GBF1: variants seen among roughly 807,000 people sequenced by gnomAD.
GBF1 encodes the protein Golgi-specific brefeldin A-resistance guanine nucleotide exchange factor 1.
A neutral mutation model predicts 210.5 loss-of-function variants in GBF1; 114 were observed. That is an observed-to-expected ratio of 0.54 (90% CI 0.47 to 0.63). GBF1 has a LOEUF of 0.63. GBF1 is among the 30% of genes least tolerant of loss of function. The pLI, the probability that GBF1 is intolerant of heterozygous loss-of-function variation, is 0.00. For missense variants in GBF1, 1,851 were observed against 2,357.7 expected (o/e 0.79, Z 4.45); for synonymous variants, 850 against 889.2 (o/e 0.96, Z 0.78).
chr10:102,365,323 A>G (rs755146958), intron 17 of GBF1, 74 bp from the exon 18 acceptor site: 7 of 1,101,248 alleles, frequency 6.4e-6, no homozygotes, highest in East Asian at 4.9e-5. Context: ...TGGGTGGGCT[A>G]TGGTGGACTC....
At chr10:102,269,502 G>C (rs1432806862) in intron 3 of GBF1, among the ~76,000 whole-genome samples, 1 of 152,086 alleles carries the variant, frequency 6.6e-6, no homozygotes, top group Non-Finnish European at 1.5e-5. Context: ...GGGAAGAAAA[G>C]GATCAAAAGC....
the GBF1 span, among the ~76,000 whole-genome samples, chr10:102,239,656 A>G: frequency 6.6e-6 from 1 of 152,236 alleles, no homozygotes; most frequent in Admixed American, 6.5e-5. Context: ...GGTTGAAACC[A>G]CTGTTTAGAT....
At chr10:102,243,172 C>G (rs1377172401), upstream of GBF1, among the ~76,000 whole-genome samples, 1 of 152,178 alleles carries the variant, frequency 6.6e-6, no homozygotes, top group African/African-American at 2.4e-5. Context: ...TCAATTCCTA[C>G]TCCTCCAATG....
At chr10:102,301,750 G>A (rs903784642) in intron 3 of GBF1, among the ~76,000 whole-genome samples, 15 of 140,920 alleles carry the variant, frequency 1.1e-4, no homozygotes, top group Admixed American at 4.2e-4. Flanking sequence ...ACGGGATGGC[G>A]GCCGGGAAGA....
chr10:102,264,338 A>ATG (rs2073613377), intron 3 of GBF1, among the ~76,000 whole-genome samples: 1 of 152,150 alleles, frequency 6.6e-6, no homozygotes, highest in Non-Finnish European at 1.5e-5. Flanking sequence ...TTGTCCTTTT[A>ATG]TGTCTCTCTC....
upstream of GBF1, among the ~76,000 whole-genome samples, chr10:102,244,232 C>G (rs1238916990): frequency 6.6e-6 from 1 of 152,168 alleles, no homozygotes; most frequent in African/African-American, 2.4e-5. Context: ...GACTACTTTC[C>G]TATGTGGTTA....
chr10:102,365,341 G>A, intron 17 of GBF1, 56 bp from the exon 18 acceptor site: 1 of 1,387,236 alleles, frequency 7.2e-7, no homozygotes, highest in Admixed American at 1.8e-5. Context: ...CTCCAGGCTG[G>A]CCTTGTCTAA....
rs564703668 is a variant in GBF1 at position 102,287,206 on chromosome 10, G to A, written c.163+27090G>A. 3.3e-5 allele frequency among the ~76,000 whole-genome samples: 5 copies of A among 151,696 alleles called. No individual in the cohort carries two copies. The South Asian group carries it at 6.3e-4, about 19-fold the overall frequency. On this transcript the variant is annotated intron_variant, in intron 3 of 39. Transcript: ENST00000369983. The stretch of plus-strand genomic sequence containing the variant: ...TTTGATGTTATGTTATTATGTTATC[G>A]ATTGCTGGGTAACAAATTACCCCAA...
In GBF1 at chr10:102,363,650, T is replaced by C; in HGVS notation, c.2018-60T>C. ...GAGTATATTGGTGACCTTCCAAAAGTCCTTATCTGGGTAAAAAAAGGTGTT... is the reference window on the plus strand; with the variant it reads ...GAGTATATTGGTGACCTTCCAAAAGCCCTTATCTGGGTAAAAAAAGGTGTT... On this transcript the variant is annotated intron_variant, in intron 16 of 39. Transcript: ENST00000369983. This position sits in a 1 kb window ranked among gnomAD's most constrained non-coding sequence, Gnocchi z 4.2. The C allele has an allele frequency of 8.8e-7, 1 of 1,139,066 alleles. No homozygotes were observed. Among genetic ancestry groups the C allele is most frequent in the Non-Finnish European group, 1.3e-6 (1 of 748,760 alleles). 70.6% of individuals were successfully genotyped at this position (1,139,066 alleles called of 1,614,324 possible).
intron 21 of GBF1, 81 bp downstream of exon 21, chr10:102,367,641 C>A: frequency 1.2e-6 from 1 of 865,320 alleles, no homozygotes; most frequent in Non-Finnish European, 2.0e-6. Flanking sequence ...AGAGTCATGT[C>A]AGACTGCAGT....
intron 3 of GBF1, among the ~76,000 whole-genome samples, chr10:102,269,585 C>T (rs2074199206): frequency 6.6e-6 from 1 of 152,052 alleles, no homozygotes; most frequent in Admixed American, 6.6e-5. Context: ...AATGAGATTT[C>T]CCTGACACTG....
intron 1 of GBF1, among the ~76,000 whole-genome samples, chr10:102,247,504 A>G (rs542161067): frequency 6.6e-6 from 1 of 152,300 alleles, no homozygotes; most frequent in South Asian, 2.1e-4. Flanking sequence ...CACTTGGGCC[A>G]TTGCCCTGTT....
chr10:102,307,738 C>T (rs1429718171), intron 3 of GBF1, among the ~76,000 whole-genome samples: 8 of 151,950 alleles, frequency 5.3e-5, no homozygotes, highest in African/African-American at 1.7e-4. Context: ...TGCAACGAGC[C>T]GAGATCGCGC....
At chr10:102,241,700 C>T (rs1426596271), upstream of GBF1, among the ~76,000 whole-genome samples, 2 of 152,260 alleles carry the variant, frequency 1.3e-5, no homozygotes, top group African/African-American at 4.8e-5. This position sits in a 1 kb window ranked among gnomAD's most constrained non-coding sequence, Gnocchi z 6.7. Flanking sequence ...GAACCCCGCC[C>T]TCTGGCCAAT....
intron 1 of GBF1, among the ~76,000 whole-genome samples, chr10:102,252,252 C>T (rs1420451804): frequency 6.6e-6 from 1 of 151,170 alleles, no homozygotes; most frequent in African/African-American, 2.4e-5. Flanking sequence ...GCAGGAGAAT[C>T]GCTTAAACCT....
chr10:102,293,528 T>C (rs1439194332), intron 3 of GBF1, among the ~76,000 whole-genome samples: 2 of 152,054 alleles, frequency 1.3e-5, no homozygotes, highest in African/African-American at 4.8e-5. Context: ...ATTATTATCA[T>C]AGGAGATGAC....
intron 3 of GBF1, among the ~76,000 whole-genome samples, chr10:102,336,053 G>T (rs1458010716): frequency 6.6e-6 from 1 of 152,026 alleles, no homozygotes; most frequent in Non-Finnish European, 1.5e-5. Context: ...TGTAATCCCA[G>T]CACTTTGGGA....
At chr10:102,345,372 A>G (rs1225075046) in intron 4 of GBF1, among the ~76,000 whole-genome samples, 1 of 151,176 alleles carries the variant, frequency 6.6e-6, no homozygotes, top group African/African-American at 2.4e-5. Context: ...TATTAACTTG[A>G]CCAGGCACAG....
chr10:102,249,119 A>C (rs2071189519), intron 1 of GBF1, among the ~76,000 whole-genome samples: 1 of 152,248 alleles, frequency 6.6e-6, no homozygotes, highest in South Asian at 2.1e-4. Context: ...CAAAGAAAAT[A>C]TGTCTGTGGA....
Sources: allele counts gnomAD v4.1 joint callset (sites outside exome capture counted in the v4.1 genomes callset), GRCh38; gene constraint gnomAD v4.1.1; non-coding constraint Gnocchi (gnomAD v3.1); transcripts MANE v1.5; gene names NCBI Gene and HGNC (gene_info 2026-07-23, HGNC 2026-07-21).